The following NOL10 variants were observed in gnomAD, a reference collection of about 807,000 sequenced individuals.
The protein encoded by NOL10 is H_NH0074G24.1.
Under a neutral mutation model 103.5 loss-of-function variants are expected in NOL10, and 58 were observed. The ratio of observed to expected loss-of-function variants is 0.56; its 90% CI spans 0.45 to 0.70. The LOEUF (loss-of-function observed/expected upper bound fraction) is 0.70. Ranked by LOEUF, NOL10 falls within the 30% of genes least tolerant of loss-of-function variation. The probability of loss-of-function intolerance (pLI) is 0.00; values close to 1 mark genes in which losing one functional copy is unlikely to be tolerated. For missense variants in NOL10, 763 were observed against 807.3 expected, an observed-to-expected ratio of 0.95 and a Z score of 0.67; for synonymous variants, 287 against 282.5, an observed-to-expected ratio of 1.02 and a Z score of -0.16.
At chr2:10,601,869 T>C (rs1675991924) in intron 16 of NOL10, among the ~76,000 whole-genome samples, 1 of 152,202 alleles carries the variant, frequency 6.6e-6, no homozygotes, top group African/African-American at 2.4e-5. Context: ...TGAGGGTAAA[T>C]GCAGAAAACA....
chr2:10,637,535 G>C (rs1180948675), intron 13 of NOL10, among the ~76,000 whole-genome samples: 1 of 152,190 alleles, frequency 6.6e-6, no homozygotes, highest in African/African-American at 2.4e-5. Context: ...CCCTGTGATG[G>C]CGTCAGAAGG....
intron 11 of NOL10, among the ~76,000 whole-genome samples, chr2:10,655,926 G>T (rs1679820394): frequency 6.6e-6 from 1 of 152,192 alleles, no homozygotes; most frequent in African/African-American, 2.4e-5. Context: ...GCTACCTGCT[G>T]TTCTTCTCAA....
Position 10,602,764 on chromosome 2 carries a change from TATA to T in NOL10, c.1332+9_1332+11del. ...CTTCTCTGATAAATTCAATGGTAAG[TATA>T]ATATTTACCTTTAACTGGACTCTCT... On this transcript the variant is annotated intron_variant, in intron 16 of 20. Coordinates refer to ENST00000381685, the MANE Select transcript of NOL10 (RefSeq NM_024894.4). 1.3e-6 allele frequency: 2 copies of T among 1,485,268 alleles called. No individual in the cohort carries two copies. The highest frequency in any genetic ancestry group is 1.2e-5 in the South Asian group (1 of 85,210). The allele number at this position is 1,485,268 out of a possible 1,614,324, so 92.0% of individuals were successfully genotyped here.
intron 13 of NOL10, among the ~76,000 whole-genome samples, chr2:10,624,492 G>A (rs551518361): frequency 8.1e-4 from 123 of 152,066 alleles, no homozygotes; most frequent in South Asian, 1.0e-3. Context: ...TGTACACAGC[G>A]ATAGGAAGAC....
rs1318059594 is a variant in NOL10, at chr2:10,680,299, A to AGGAGAAGAG, written c.211+1663_211+1671dup. On this transcript the variant is annotated intron_variant, in intron 3 of 20. Coordinates refer to ENST00000381685, the MANE Select transcript of NOL10 (RefSeq NM_024894.4). The stretch of plus-strand genomic sequence containing the variant: ...AAAAAGAAGGAGAAGAAGGAGAAGA[A>AGGAGAAGAG]GGAGAAGAGGGAGAAGAGGGAGAAG... 9.5e-4 allele frequency among the ~76,000 whole-genome samples: 100 copies of AGGAGAAGAG among 105,126 alleles called. 3 individuals are homozygous for AGGAGAAGAG. In the East Asian group the frequency reaches 0.017, roughly 18 times the overall value. The allele number at this position is 105,126 out of a possible 152,430, so 69.0% of individuals were successfully genotyped here. A position where few individuals can be genotyped will look rare whatever the true frequency, so the allele number is the denominator to read the frequency against.
intron 1 of NOL10, among the ~76,000 whole-genome samples, chr2:10,689,037 A>T (rs1038965091): frequency 2.0e-5 from 3 of 152,194 alleles, no homozygotes; most frequent in Non-Finnish European, 4.4e-5. Context: ...AGAGTCTCAA[A>T]ATGGAAATGA....
chr2:10,576,851 C>A (rs1223501917), intron 20 of NOL10, among the ~76,000 whole-genome samples: 2 of 151,976 alleles, frequency 1.3e-5, no homozygotes, highest in Non-Finnish European at 2.9e-5. Context: ...TAAAAGGATG[C>A]ATATGGTCTG....
intron 13 of NOL10, among the ~76,000 whole-genome samples, chr2:10,627,679 A>AAAAC (rs565577750): frequency 1.3e-4 from 20 of 148,860 alleles, no homozygotes; most frequent in Admixed American, 3.4e-4. Context: ...CGTCTCAAAA[A>AAAAC]AAACAAACAA....
intron 6 of NOL10, among the ~76,000 whole-genome samples, chr2:10,669,513 TACACACAC>T (rs112846253): frequency 0.22 from 29,853 of 132,766 alleles, 3,959 homozygotes; most frequent in Middle Eastern, 0.33. Flanking sequence ...CACACATATA[TACACACAC>T]ACACACACAC....
chr2:10,583,592 C>T (rs1459892946), intron 19 of NOL10, among the ~76,000 whole-genome samples: 1 of 152,222 alleles, frequency 6.6e-6, no homozygotes, highest in Non-Finnish European at 1.5e-5. Context: ...GTATTTTTTA[C>T]CTCAATGGCA....
Position 10,688,275 on chromosome 2 carries a change from G to C in NOL10, c.66+1521C>G, listed in dbSNP as rs549545861. 5.9e-5 allele frequency among the ~76,000 whole-genome samples: 9 copies of C among 152,278 alleles called. No individual in the cohort carries two copies. In the South Asian group the frequency reaches 1.9e-3, roughly 32 times the overall value. On this transcript the variant is annotated intron_variant, in intron 1 of 20. Transcript: ENST00000381685. ...CCAGCTAGACATTTGTCGCACAGCAGCCCACACAACAGTGACTTCCAGCAG... is the reference window on the plus strand; with the variant it reads ...CCAGCTAGACATTTGTCGCACAGCACCCCACACAACAGTGACTTCCAGCAG...
intron 14 of NOL10, among the ~76,000 whole-genome samples, chr2:10,606,351 G>A (rs549110201): frequency 2.9e-4 from 44 of 152,010 alleles, no homozygotes; most frequent in African/African-American, 7.7e-4. Context: ...CAGACTGGGC[G>A]TGGTGGCTCG....
chr2:10,633,173 G>T (rs1382357490), intron 13 of NOL10, among the ~76,000 whole-genome samples: 1 of 152,024 alleles, frequency 6.6e-6, no homozygotes, highest in African/African-American at 2.4e-5. Flanking sequence ...GGCTCGCGGG[G>T]TGAATCCAAA....
intron 13 of NOL10, among the ~76,000 whole-genome samples, chr2:10,626,996 G>T (rs1407454985): frequency 1.3e-5 from 2 of 152,182 alleles, no homozygotes; most frequent in Non-Finnish European, 2.9e-5. Flanking sequence ...CGCTATTCTT[G>T]TGATCCAATA....
intron 8 of NOL10, among the ~76,000 whole-genome samples, chr2:10,663,366 C>CAAA (rs35569218): frequency 2.4e-5 from 3 of 125,476 alleles, no homozygotes; most frequent in African/African-American, 5.8e-5. Context: ...GACTTCGTCT[C>CAAA]AAAAAAAAAA....
intron 13 of NOL10, among the ~76,000 whole-genome samples, chr2:10,640,856 A>G (rs540002926): frequency 2.4e-4 from 36 of 152,364 alleles, no homozygotes; most frequent in African/African-American, 8.2e-4. Context: ...CTTAGAATTA[A>G]TATTTCCAAG....
chr2:10,596,007 A>G (rs1477264163), intron 17 of NOL10, among the ~76,000 whole-genome samples: 3 of 152,208 alleles, frequency 2.0e-5, no homozygotes, highest in Non-Finnish European at 4.4e-5. Context: ...AAAAAGCTTT[A>G]AAAATAATAT....
chr2:10,649,572 G>A (rs752931162), intron 12 of NOL10, among the ~76,000 whole-genome samples: 7 of 151,928 alleles, frequency 4.6e-5, no homozygotes, highest in African/African-American at 7.3e-5. Context: ...TGCATGCCTC[G>A]GCCTCCCAAA....
At chr2:10,589,476 A>C in intron 18 of NOL10, 102 bp downstream of exon 18, 1 of 1,206,466 alleles carries the variant, frequency 8.3e-7, no homozygotes, top group Non-Finnish European at 1.1e-6. Flanking sequence ...TTAATATGGA[A>C]TTAATTACAT....
Sources: allele counts gnomAD v4.1 joint callset (sites outside exome capture counted in the v4.1 genomes callset), GRCh38; gene constraint gnomAD v4.1.1; transcripts MANE v1.5; gene names NCBI Gene and HGNC (gene_info 2026-07-23, HGNC 2026-07-21).